The following GRAMD1C variants were observed in gnomAD, a reference collection of about 807,000 sequenced individuals.
GRAMD1C encodes the protein GRAM domain containing 1C, also known as protein Aster-C.
A neutral mutation model predicts 97.8 loss-of-function variants in GRAMD1C; 89 were observed. That is an observed-to-expected ratio of 0.91 (90% CI 0.77 to 1.09). The LOEUF is 1.09. GRAMD1C is among the 50% of genes least tolerant of loss of function. The probability of loss-of-function intolerance (pLI) is 0.00; values close to 1 mark genes in which losing one functional copy is unlikely to be tolerated. For missense variants in GRAMD1C, 740 were observed against 766.4 expected (o/e 0.97, Z 0.41); for synonymous variants, 256 against 267.0 (o/e 0.96, Z 0.40).
intron 1 of GRAMD1C, among the ~76,000 whole-genome samples, chr3:113,828,478 G>C (rs910647730): frequency 1.3e-5 from 2 of 152,140 alleles, no homozygotes; most frequent in Non-Finnish European, 2.9e-5. Context: ...TGGGTGATTT[G>C]TCATGCAACT....
chr3:113,945,151 C>T lies in GRAMD1C; in HGVS notation c.1909-247C>T, dbSNP rs1938006697. On this transcript the variant is annotated intron_variant, in intron 17 of 17. Coordinates refer to ENST00000358160, the MANE Select transcript of GRAMD1C (RefSeq NM_017577.5). ...ACTACGCTTAATTTGATTAATGGAC[C>T]TATTGGGAGGTAGACTATGTAGCAG... Among the ~76,000 whole-genome samples, 3 of 152,196 alleles carry T rather than the reference C, an allele frequency of 2.0e-5. No homozygotes were observed. The South Asian group carries it at 6.2e-4, about 32-fold the overall frequency.
chr3:113,850,436 T>G, intron 2 of GRAMD1C: 1 of 1,251,552 alleles, frequency 8.0e-7, no homozygotes, highest in Non-Finnish European at 1.2e-6. Context: ...CCTGCCAGTC[T>G]CTGGATGGCT....
upstream of GRAMD1C, among the ~76,000 whole-genome samples, chr3:113,836,551 A>G (rs1261758166): frequency 2.7e-5 from 4 of 150,760 alleles, no homozygotes; most frequent in Admixed American, 2.0e-4. Context: ...TTACATCCCC[A>G]TGGATAACAG....
chr3:113,871,013 A>G (rs13097129), intron 3 of GRAMD1C, among the ~76,000 whole-genome samples: 17,708 of 122,434 alleles, frequency 0.14, 1,336 homozygotes, highest in Middle Eastern at 0.3. Flanking sequence ...ACACACACAC[A>G]CACACACACA....
chr3:113,829,102 T>C (rs1709525485), intron 1 of GRAMD1C, among the ~76,000 whole-genome samples: 1 of 152,274 alleles, frequency 6.6e-6, no homozygotes, highest in Admixed American at 6.5e-5. Flanking sequence ...CTTGCTTCTC[T>C]TGTGACTTAG....
At chr3:113,926,449 T>G (rs1937232737) in intron 10 of GRAMD1C, among the ~76,000 whole-genome samples, 1 of 152,188 alleles carries the variant, frequency 6.6e-6, no homozygotes, top group African/African-American at 2.4e-5. Context: ...TTTCTTGGAT[T>G]GGGTTTTGAG....
At chr3:113,927,478 C>T (rs1937266951) in intron 10 of GRAMD1C, among the ~76,000 whole-genome samples, 1 of 152,226 alleles carries the variant, frequency 6.6e-6, no homozygotes, top group Admixed American at 6.5e-5. Context: ...ATCTCACTCT[C>T]TCAGTGATCT....
chr3:113,838,931 C>G lies in GRAMD1C; in HGVS notation c.22C>G (p.Arg8Gly). Residue 8 changes from arginine (R) to glycine (G), a missense_variant, in exon 1 of 18, where the codon CGT (arginine) becomes GGT (glycine). Coordinates refer to ENST00000358160, the MANE Select transcript of GRAMD1C (RefSeq NM_017577.5). Reference protein sequence around the residue: MEGAPTVRQVMNEGDSSL... With the variant: MEGAPTVGQVMNEGDSSL... ...CGCGATGGAGGGCGCTCCGACTGTC[C>G]GTCAGGTAAGCCGCGGGCCTCGCTG... The G allele has an allele frequency of 9.0e-7, 1 of 1,108,412 alleles. No individual in the cohort carries two copies. The highest frequency in any genetic ancestry group is 1.1e-6 in the Non-Finnish European group (1 of 930,238). 68.7% of individuals were successfully genotyped at this position (1,108,412 alleles called of 1,614,324 possible). A position where few individuals can be genotyped will look rare whatever the true frequency, so the allele number is the denominator to read the frequency against.
At chr3:113,830,150 A>G (rs1205608824) in intron 1 of GRAMD1C, among the ~76,000 whole-genome samples, 1 of 152,188 alleles carries the variant, frequency 6.6e-6, no homozygotes, top group African/African-American at 2.4e-5. Context: ...GGTTAGGACT[A>G]GGTGTGCGGT....
chr3:113,840,138 T>G (rs1709744646), intron 1 of GRAMD1C, among the ~76,000 whole-genome samples: 1 of 152,096 alleles, frequency 6.6e-6, no homozygotes, highest in African/African-American at 2.4e-5. Flanking sequence ...GGCTAATTTT[T>G]TGTGTTTTTA....
chr3:113,851,199 C>T (rs529851052), intron 2 of GRAMD1C, among the ~76,000 whole-genome samples: 3 of 152,230 alleles, frequency 2.0e-5, no homozygotes, highest in South Asian at 4.1e-4. Flanking sequence ...TAAGTTTACT[C>T]AGGGGTCCTT....
chr3:113,913,147 C>G lies in GRAMD1C; in HGVS notation c.953-2554C>G, dbSNP rs924125306. ...CTTTAGGAAGATCTACTCTGGCCCC[C>G]AGTGGCCAAATAGGTAAGTAGCACC... On this transcript the variant is annotated intron_variant, in intron 9 of 17. Transcript: ENST00000358160. The G allele has an allele frequency of 7.2e-6, 9 of 1,256,862 alleles. No homozygotes were observed. In the African/African-American group the frequency reaches 1.4e-4, roughly 19 times the overall value. 77.9% of individuals were successfully genotyped at this position (1,256,862 alleles called of 1,614,324 possible). A position where few individuals can be genotyped will look rare whatever the true frequency, so the allele number is the denominator to read the frequency against.
At chr3:113,854,253 T>C (rs1162006017) in intron 2 of GRAMD1C, among the ~76,000 whole-genome samples, 1 of 151,460 alleles carries the variant, frequency 6.6e-6, no homozygotes. Flanking sequence ...GAGCCAGAAG[T>C]AAATTGAGAA....
intron 9 of GRAMD1C, chr3:113,913,022 A>G: frequency 1.6e-6 from 1 of 616,808 alleles, no homozygotes; most frequent in Non-Finnish European, 2.6e-6. Flanking sequence ...TGGAAAGATG[A>G]AGGGTAACAT....
chr3:113,911,085 G>A (rs1433570468), intron 9 of GRAMD1C, among the ~76,000 whole-genome samples: 1 of 151,856 alleles, frequency 6.6e-6, no homozygotes, highest in Non-Finnish European at 1.5e-5. Context: ...TTCTCACTGT[G>A]TCTGCTCATA....
At chr3:113,870,937 C>T (rs1212009046) in intron 3 of GRAMD1C, among the ~76,000 whole-genome samples, 2 of 131,458 alleles carry the variant, frequency 1.5e-5, no homozygotes, top group African/African-American at 5.9e-5. Flanking sequence ...GGCAACAAAG[C>T]GAGACCTTGG....
intron 17 of GRAMD1C, among the ~76,000 whole-genome samples, chr3:113,943,803 A>T (rs1165631837): frequency 6.6e-6 from 1 of 152,102 alleles, no homozygotes; most frequent in East Asian, 1.9e-4. Flanking sequence ...AGTCCCAGCT[A>T]CTCGGGAGGC....
At position 113,909,066 on chromosome 3, in the gene GRAMD1C, A is replaced by G; in HGVS notation, c.898A>G (p.Lys300Glu). 1.3e-6 allele frequency: 2 copies of G among 1,562,398 alleles called. No homozygotes were observed. The highest frequency in any genetic ancestry group is 2.8e-5 in the African/African-American group (2 of 72,594). ...GCCATCAAAGTCACTGGACTTGAAT[A>G]AAAATGAATATCTTTCTCTGGACAA... Reference protein sequence around the residue: ...RVPSKSLDLNKNEYLSLDKSS... With the variant: ...RVPSKSLDLNENEYLSLDKSS... The change falls in exon 9 of 18, where the codon AAA (lysine) becomes GAA (glutamate). Residue 300 changes from lysine to glutamate, a missense_variant. Transcript: ENST00000358160.
intron 10 of GRAMD1C, among the ~76,000 whole-genome samples, chr3:113,920,651 CCTGCT>C (rs1274631741): frequency 1.3e-5 from 2 of 152,092 alleles, no homozygotes; most frequent in East Asian, 3.9e-4. Context: ...AAGTGATTCT[CCTGCT>C]TATTCTCCTG....
Sources: gnomAD v4.1 joint callset for allele counts (sites outside exome capture counted in the v4.1 genomes callset) on GRCh38, gnomAD v4.1.1 for gene constraint, MANE v1.5 for transcripts, NCBI Gene and HGNC (gene_info 2026-07-23, HGNC 2026-07-21) for gene names.